Variants in BCL2 observed in about 807,000 individuals in gnomAD.
The protein encoded by BCL2 is BCL2 apoptosis regulator.
In BCL2, 1 loss-of-function variant was observed where a neutral mutation model predicts 14.2. The ratio of observed to expected loss-of-function variants is 0.07; its 90% CI spans 0.02 to 0.33. BCL2 has a LOEUF of 0.33. BCL2 is among the 10% of genes least tolerant of loss of function. The pLI, the probability that BCL2 is intolerant of heterozygous loss-of-function variation, is 0.99. For synonymous variants in BCL2, 151 were observed against 137.2 expected (o/e 1.10, Z -0.70); for missense variants, 247 against 305.9 (o/e 0.81, Z 1.44).
chr18:63,300,209 T>C (rs959664060), intron 2 of BCL2, among the ~76,000 whole-genome samples: 2 of 151,884 alleles, frequency 1.3e-5, no homozygotes, highest in African/African-American at 4.8e-5. Context: ...CAGCAAAAAC[T>C]CCCCCTAGAA....
At chr18:63,255,111 A>C (rs1197586165) in intron 2 of BCL2, among the ~76,000 whole-genome samples, 1 of 152,248 alleles carries the variant, frequency 6.6e-6, no homozygotes, top group Non-Finnish European at 1.5e-5. Context: ...AAAGGAGTTA[A>C]CATCATGACC....
rs951051974 is a variant in BCL2 at position 63,124,856 on chromosome 18, T to C, written c.*3769A>G. On this transcript the variant is annotated 3_prime_UTR_variant, in exon 3 of 3. Coordinates refer to ENST00000333681, the MANE Select transcript of BCL2 (RefSeq NM_000633.3). ...CTTGTATTTCGAGCCTTTCCTGTTT[T>C]TCTCTGATAGAGTAGGTGTACATTA... is the stretch of plus-strand genomic sequence containing the variant. 1 of 227,698 alleles carries C rather than the reference T, an allele frequency of 4.4e-6. No homozygotes were observed. 14.1% of individuals were successfully genotyped at this position (227,698 alleles called of 1,614,324 possible).
intron 2 of BCL2, among the ~76,000 whole-genome samples, chr18:63,159,328 T>A (rs752130187): frequency 2.6e-5 from 4 of 152,218 alleles, no homozygotes; most frequent in Non-Finnish European, 5.9e-5. Flanking sequence ...TCGCCTCCAC[T>A]AAGACATCAA....
chr18:63,199,201 C>T (rs1909607294), intron 2 of BCL2, among the ~76,000 whole-genome samples: 1 of 150,864 alleles, frequency 6.6e-6, no homozygotes, highest in Admixed American at 6.6e-5. Flanking sequence ...ACGCACAACA[C>T]ACAGACACAC....
At chr18:63,162,365 C>T (rs1049034720) in intron 2 of BCL2, among the ~76,000 whole-genome samples, 1 of 152,290 alleles carries the variant, frequency 6.6e-6, no homozygotes, top group Non-Finnish European at 1.5e-5. Context: ...CCCACCAACA[C>T]GTCTTCATTG....
chr18:63,268,686 A>T (rs1911911495), intron 2 of BCL2, among the ~76,000 whole-genome samples: 1 of 152,202 alleles, frequency 6.6e-6, no homozygotes, highest in African/African-American at 2.4e-5. Context: ...TTCATTTTGG[A>T]GGTTTGTTGA....
rs1568222595 is a variant in BCL2, at chr18:63,169,341, C to CTTTCTT, written c.586-40588_586-40583dup. Among the ~76,000 whole-genome samples the CTTTCTT allele has an allele frequency of 4.0e-5, 2 of 50,348 alleles. 1 individual carries two copies. The highest frequency in any genetic ancestry group is 5.0e-4 in the Admixed American group (2 of 4,008). The allele number at this position is 50,348 out of a possible 152,430, so 33.0% of individuals were successfully genotyped here. A position where few individuals can be genotyped will look rare whatever the true frequency, so the allele number is the denominator to read the frequency against. On this transcript the variant is annotated intron_variant, in intron 2 of 2. Coordinates refer to ENST00000333681, the MANE Select transcript of BCL2 (RefSeq NM_000633.3). ...CTTCCTTCTTTCCTTTCCTTCCTTT[C>CTTTCTT]TTTCTTTCTTTCTTTCTTTCTTTCT...
At chr18:63,173,314 C>T (rs1915271638) in intron 2 of BCL2, among the ~76,000 whole-genome samples, 1 of 152,182 alleles carries the variant, frequency 6.6e-6, no homozygotes, top group South Asian at 2.1e-4. Context: ...ATATATTTTG[C>T]TAGGCTCACC....
intron 2 of BCL2, among the ~76,000 whole-genome samples, chr18:63,203,144 C>T (rs1775926540): frequency 6.6e-6 from 1 of 152,154 alleles, no homozygotes; most frequent in African/African-American, 2.4e-5. Context: ...AGGACCAAGC[C>T]CCTTACGAAA....
intron 2 of BCL2, among the ~76,000 whole-genome samples, chr18:63,258,564 A>G (rs2144220236): frequency 6.6e-6 from 1 of 152,368 alleles, no homozygotes; most frequent in African/African-American, 2.4e-5. Flanking sequence ...TTATCAGAAC[A>G]AAACCTGGCC....
At chr18:63,287,514 T>C (rs1430549704) in intron 2 of BCL2, among the ~76,000 whole-genome samples, 21 of 152,050 alleles carry the variant, frequency 1.4e-4, no homozygotes, top group Admixed American at 1.2e-3. Flanking sequence ...GCAGTTTGAG[T>C]ACAAACTCTC....
intron 2 of BCL2, among the ~76,000 whole-genome samples, chr18:63,131,913 G>A (rs1914078471): frequency 2.0e-5 from 3 of 152,150 alleles, no homozygotes; most frequent in Admixed American, 1.3e-4. Context: ...AAGAAATGCT[G>A]TCCCAAATAT....
At chr18:63,131,741 A>G (rs1914075286) in intron 2 of BCL2, among the ~76,000 whole-genome samples, 1 of 152,208 alleles carries the variant, frequency 6.6e-6, no homozygotes, top group Non-Finnish European at 1.5e-5. Context: ...GAATCCCTTT[A>G]GTAATCAACA....
intron 2 of BCL2, among the ~76,000 whole-genome samples, chr18:63,271,082 G>A (rs775277774): frequency 7.9e-5 from 12 of 152,134 alleles, no homozygotes; most frequent in Non-Finnish European, 1.5e-4. Context: ...TCGGCCTTCC[G>A]AAGTGCTGAG....
chr18:63,134,922 T>G (rs1047852993), intron 2 of BCL2, among the ~76,000 whole-genome samples: 1 of 152,200 alleles, frequency 6.6e-6, no homozygotes, highest in Non-Finnish European at 1.5e-5. Context: ...TGGGGATCTC[T>G]TCTCTCATGA....
rs1215715769 is a variant in BCL2, at chr18:63,319,747, CTG to C, written c.-862_-861del. ...CGGTGCCGAGCGCTAGAAGCCCGCG[CTG>C]TGTGTGGTGCGGCGAGGGGTGGGGA... On this transcript the variant is annotated 5_prime_UTR_variant, in exon 1 of 3. Coordinates refer to ENST00000333681, the MANE Select transcript of BCL2 (RefSeq NM_000633.3). The C allele has an allele frequency of 4.9e-6, 1 of 204,870 alleles. No homozygotes were observed. The highest frequency in any genetic ancestry group is 2.3e-5 in the African/African-American group (1 of 43,692). The allele number at this position is 204,870 out of a possible 1,614,324, so 12.7% of individuals were successfully genotyped here.
intron 2 of BCL2, among the ~76,000 whole-genome samples, chr18:63,295,147 G>C (rs1912763904): frequency 1.3e-5 from 2 of 151,762 alleles, no homozygotes; most frequent in Non-Finnish European, 2.9e-5. Context: ...CTGGGAGACA[G>C]AGCGAGACTC....
At chr18:63,218,022 A>C (rs1910254391) in intron 2 of BCL2, among the ~76,000 whole-genome samples, 1 of 152,170 alleles carries the variant, frequency 6.6e-6, no homozygotes, top group African/African-American at 2.4e-5. Flanking sequence ...GAAGGATAGA[A>C]AGATAGGCCC....
intron 2 of BCL2, among the ~76,000 whole-genome samples, chr18:63,310,939 G>C (rs1303389407): frequency 6.6e-6 from 1 of 151,970 alleles, no homozygotes. Context: ...TAAAGATGCT[G>C]GCAGGAATCC....
Sources: allele counts gnomAD v4.1 joint callset (sites outside exome capture counted in the v4.1 genomes callset), GRCh38; gene constraint gnomAD v4.1.1; transcripts MANE v1.5; gene names NCBI Gene and HGNC (gene_info 2026-07-23, HGNC 2026-07-21).